The following SAMSN1 variants were observed in gnomAD, a reference collection of about 807,000 sequenced individuals.
SAMSN1 encodes SAM domain, SH3 domain and nuclear localization signals 1.
SAMSN1 carries 31 observed loss-of-function variants against 42.0 expected under a neutral mutation model. The ratio of observed to expected loss-of-function variants is 0.74; its 90% confidence interval spans 0.55 to 1.00. SAMSN1 has a LOEUF of 1.00. Among genes scored for constraint, SAMSN1 ranks in the 50% least tolerant of loss-of-function variants. The pLI is 0.00. For missense variants in SAMSN1, 464 were observed against 439.4 expected (o/e 1.06, Z -0.50); for synonymous variants, 178 against 151.9 (o/e 1.17, Z -1.26).
At chr21:14,528,218 T>G (rs990743955) in intron 1 of SAMSN1, among the ~76,000 whole-genome samples, 1 of 152,122 alleles carries the variant, frequency 6.6e-6, no homozygotes, top group South Asian at 2.1e-4. Context: ...GCCTACTCAC[T>G]CCTATAAAAT....
At chr21:14,626,260 A>G (rs1388202771) in intron 2 of SAMSN1, among the ~76,000 whole-genome samples, 1 of 152,246 alleles carries the variant, frequency 6.6e-6, no homozygotes, top group Admixed American at 6.5e-5. Flanking sequence ...AATGGCAACA[A>G]AAGCCAAAAT....
chr21:14,617,964 T>C (rs1982887157), intron 2 of SAMSN1, among the ~76,000 whole-genome samples: 1 of 152,242 alleles, frequency 6.6e-6, no homozygotes, highest in African/African-American at 2.4e-5. Context: ...CTTAAACACT[T>C]GTAACAGCTG....
intron 1 of SAMSN1, among the ~76,000 whole-genome samples, chr21:14,541,818 C>T (rs915412577): frequency 1.3e-5 from 2 of 151,846 alleles, no homozygotes; most frequent in African/African-American, 4.8e-5. Context: ...CTAGCAAAAC[C>T]CCCATGTCTA....
intron 2 of SAMSN1, among the ~76,000 whole-genome samples, chr21:14,552,581 G>C (rs983381267): frequency 6.6e-6 from 1 of 151,994 alleles, no homozygotes; most frequent in Non-Finnish European, 1.5e-5. Flanking sequence ...GAAATTTGCT[G>C]GTGTCTTCAT....
At chr21:14,491,646 A>G (rs889534147) in intron 7 of SAMSN1, among the ~76,000 whole-genome samples, 1 of 152,170 alleles carries the variant, frequency 6.6e-6, no homozygotes, top group Non-Finnish European at 1.5e-5. Flanking sequence ...TCTTTGTCTA[A>G]TTCAGTATAC....
chr21:14,657,237 A>G (rs992046216), intron 1 of SAMSN1, among the ~76,000 whole-genome samples: 2 of 151,884 alleles, frequency 1.3e-5, no homozygotes, highest in African/African-American at 4.8e-5. Flanking sequence ...ACTGAATTTG[A>G]TAACATAAAC....
chr21:14,568,386 T>A lies in SAMSN1; in HGVS notation c.261+13750A>T, dbSNP rs150116963. ...TGACAGCCAAGTGTGGAAAGGCGACTGGAAAAACACCACATATTATTTCTT... is the reference window on the plus strand; with the variant it reads ...TGACAGCCAAGTGTGGAAAGGCGACAGGAAAAACACCACATATTATTTCTT... On this transcript the variant is annotated intron_variant, in intron 2 of 8. Coordinates refer to the SAMSN1 transcript ENST00000285670. Among the ~76,000 whole-genome samples the A allele has an allele frequency of 3.3e-3, 503 of 152,292 alleles. 1 individual carries two copies. The highest frequency in any genetic ancestry group is 0.012 in the African/African-American group (480 of 41,552).
chr21:14,596,751 G>A (rs1982276238), intron 6 of SAMSN1, among the ~76,000 whole-genome samples: 1 of 152,066 alleles, frequency 6.6e-6, no homozygotes, highest in Non-Finnish European at 1.5e-5. Context: ...AGCCATGAGA[G>A]GGAGTTAGAA....
intron 1 of SAMSN1, among the ~76,000 whole-genome samples, chr21:14,540,984 A>C (rs1421855961): frequency 6.6e-6 from 1 of 152,162 alleles, no homozygotes; most frequent in Non-Finnish European, 1.5e-5. Context: ...CTTTGTAGGG[A>C]CATGGATGAA....
intron 1 of SAMSN1, among the ~76,000 whole-genome samples, chr21:14,530,711 G>GT (rs1411767155): frequency 1.3e-5 from 2 of 152,176 alleles, no homozygotes; most frequent in African/African-American, 4.8e-5. Flanking sequence ...CATTTTCAGA[G>GT]TTAAAAAGTC....
At chr21:14,486,159 A>G (rs3746825) in intron 7 of SAMSN1, 45 bp from the exon 8 acceptor site, 38,960 of 1,328,076 alleles carry the variant, frequency 0.029, 702 homozygotes, top group South Asian at 0.053. Context: ...AGCAACACAA[A>G]ATCTTATTCA....
intron 2 of SAMSN1, among the ~76,000 whole-genome samples, chr21:14,618,698 G>A (rs529164640): frequency 1.0e-3 from 150 of 146,476 alleles, no homozygotes; most frequent in Non-Finnish European, 1.6e-3. Context: ...GTGTGCGCGC[G>A]CGCGCACGCG....
At chr21:14,576,415 T>C (rs796314054) in intron 2 of SAMSN1, among the ~76,000 whole-genome samples, 1 of 152,232 alleles carries the variant, frequency 6.6e-6, no homozygotes, top group African/African-American at 2.4e-5. Context: ...AAGCTGTCTG[T>C]CTCCAGTTAC....
At chr21:14,504,317 A>G (rs112082516) in intron 5 of SAMSN1, among the ~76,000 whole-genome samples, 3 of 152,350 alleles carry the variant, frequency 2.0e-5, no homozygotes, top group Admixed American at 6.5e-5. Flanking sequence ...AGGAGGCACC[A>G]GAGAAAGGTG....
intron 3 of SAMSN1, among the ~76,000 whole-genome samples, chr21:14,515,861 T>C (rs1474260787): frequency 6.6e-6 from 1 of 152,176 alleles, no homozygotes; most frequent in African/African-American, 2.4e-5. Context: ...TCCACAAAGA[T>C]AGATAAATGG....
intron 5 of SAMSN1, among the ~76,000 whole-genome samples, chr21:14,503,254 C>A (rs1987253200): frequency 6.6e-6 from 1 of 152,182 alleles, no homozygotes. Flanking sequence ...AGATTAAGGC[C>A]TGAGTGAGCT....
chr21:14,506,881 G>A (rs1987436346), intron 5 of SAMSN1, among the ~76,000 whole-genome samples: 1 of 151,860 alleles, frequency 6.6e-6, no homozygotes, highest in African/African-American at 2.4e-5. Flanking sequence ...ATGCTGGGAG[G>A]GTTTAATATA....
chr21:14,623,101 A>G (rs1983059670), intron 2 of SAMSN1, among the ~76,000 whole-genome samples: 2 of 152,248 alleles, frequency 1.3e-5, no homozygotes, highest in South Asian at 2.1e-4. Context: ...GGCCTGCCCT[A>G]CAAGAGCTCC....
At chr21:14,540,735 A>G (rs1203306496) in intron 1 of SAMSN1, among the ~76,000 whole-genome samples, 1 of 152,222 alleles carries the variant, frequency 6.6e-6, no homozygotes, top group Non-Finnish European at 1.5e-5. Flanking sequence ...CGATTCCTCA[A>G]GGATCTAGAA....
Sources: allele counts gnomAD v4.1 joint callset (sites outside exome capture counted in the v4.1 genomes callset), GRCh38; gene constraint gnomAD v4.1.1; transcripts MANE v1.5; gene names NCBI Gene and HGNC (gene_info 2026-07-23, HGNC 2026-07-21).